The following DDC variants were observed in gnomAD, a reference collection of about 807,000 sequenced individuals.
The protein encoded by DDC is dopa decarboxylase.
Under a neutral mutation model 60.0 loss-of-function variants are expected in DDC, and 43 were observed. The ratio of observed to expected loss-of-function variants is 0.72; its 90% CI spans 0.56 to 0.92. DDC has a LOEUF of 0.92. Ranked by LOEUF, DDC falls within the 40% of genes least tolerant of loss-of-function variation. The pLI is 0.00. For synonymous variants in DDC, 232 were observed against 234.6 expected, an observed-to-expected ratio of 0.99 and a Z score of 0.10; for missense variants, 573 against 620.2, an observed-to-expected ratio of 0.92 and a Z score of 0.81.
intron 6 of DDC, among the ~76,000 whole-genome samples, chr7:50,519,953 A>AAAC (rs3071963): frequency 0.013 from 2,034 of 151,368 alleles, 46 homozygotes; most frequent in African/African-American, 0.045. Context: ...AATCAAAACC[A>AAAC]AAACAAACAA....
At chr7:50,504,082 C>G (rs1320069113) in intron 6 of DDC, 23 bp from the exon 7 acceptor site, 3 of 1,566,192 alleles carry the variant, frequency 1.9e-6, no homozygotes, top group African/African-American at 2.7e-5. Context: ...AAGCAGACAG[C>G]CTTTTATTCC....
At chr7:50,481,094 G>A (rs554832735) in intron 9 of DDC, among the ~76,000 whole-genome samples, 8 of 152,256 alleles carry the variant, frequency 5.3e-5, no homozygotes, top group Admixed American at 2.6e-4. Flanking sequence ...CAAATAAAAC[G>A]TGAGAGTCCC....
At chr7:50,495,227 G>C (rs1361890043) in intron 9 of DDC, 123 bp downstream of exon 9, 9 of 753,510 alleles carry the variant, frequency 1.2e-5, no homozygotes, top group Non-Finnish European at 2.1e-5. Flanking sequence ...CAAGGGTTCA[G>C]AAAAGGCAGC....
chr7:50,521,768 T>C (rs1326001836), intron 6 of DDC, among the ~76,000 whole-genome samples: 1 of 152,164 alleles, frequency 6.6e-6, no homozygotes, highest in Non-Finnish European at 1.5e-5. Flanking sequence ...CTCAACTTGA[T>C]GAATGACATC....
intron 7 of DDC, among the ~76,000 whole-genome samples, chr7:50,501,812 G>A (rs1017816500): frequency 6.6e-5 from 10 of 152,148 alleles, no homozygotes; most frequent in South Asian, 2.1e-4. Flanking sequence ...AGTGGGTTAC[G>A]CCTGTAATTC....
chr7:50,554,231 T>C (rs530534171), intron 1 of DDC, among the ~76,000 whole-genome samples: 3 of 152,132 alleles, frequency 2.0e-5, no homozygotes, highest in South Asian at 2.1e-4. Context: ...GCTGGGAAGA[T>C]GAATGAGATG....
intron 10 of DDC, among the ~76,000 whole-genome samples, chr7:50,478,294 C>T (rs11238138): frequency 0.56 from 84,287 of 151,808 alleles, 23,569 homozygotes; most frequent in Admixed American, 0.62. Context: ...TTTCTATTAC[C>T]GCACCATCTG....
intron 6 of DDC, among the ~76,000 whole-genome samples, chr7:50,509,677 G>T (rs923846069): frequency 6.6e-6 from 1 of 152,150 alleles, no homozygotes; most frequent in African/African-American, 2.4e-5. Flanking sequence ...ATGAATGAAT[G>T]AGTCATTTCT....
chr7:50,542,717 G>GAAC (rs2044674670), intron 2 of DDC: 1 of 152,290 alleles, frequency 6.6e-6, no homozygotes, highest in African/African-American at 2.4e-5. Flanking sequence ...GTTTTATGCT[G>GAAC]AACAGCTTAG....
intron 10 of DDC, among the ~76,000 whole-genome samples, chr7:50,478,520 TAGA>T (rs1253557630): frequency 6.6e-6 from 1 of 152,202 alleles, no homozygotes; most frequent in East Asian, 1.9e-4. Flanking sequence ...AGGCTTTCAG[TAGA>T]AGAATTCAGA....
At chr7:50,518,243 C>T (rs185377795) in intron 6 of DDC, among the ~76,000 whole-genome samples, 57 of 149,456 alleles carry the variant, frequency 3.8e-4, no homozygotes, top group African/African-American at 1.4e-3. Flanking sequence ...ATAGATGACA[C>T]AAACAAATGG....
intron 4 of DDC, among the ~76,000 whole-genome samples, chr7:50,535,046 ATGATTCATTTGC>A (rs956819799): frequency 2.6e-5 from 4 of 152,232 alleles, no homozygotes; most frequent in African/African-American, 9.6e-5. Context: ...GGACTGAAGC[ATGATTCATTTGC>A]TGAATCATTG....
At chr7:50,560,513 A>C (rs1346960204) in intron 1 of DDC, among the ~76,000 whole-genome samples, 3 of 152,046 alleles carry the variant, frequency 2.0e-5, no homozygotes. Flanking sequence ...GGATGCTGTT[A>C]ATTAGCTCCT....
chr7:50,496,569 T>C (rs984218136), intron 8 of DDC, among the ~76,000 whole-genome samples: 5 of 152,182 alleles, frequency 3.3e-5, no homozygotes, highest in African/African-American at 7.2e-5. Context: ...AGGAGGACAC[T>C]CTGCATTTTC....
chr7:50,474,522 A>G (rs972443741), intron 11 of DDC, among the ~76,000 whole-genome samples: 2 of 152,232 alleles, frequency 1.3e-5, no homozygotes, highest in Non-Finnish European at 2.9e-5. Context: ...GTGGTCCTGC[A>G]GGCGGGTGCC....
At chr7:50,472,943 C>G (rs1290630930) in intron 11 of DDC, among the ~76,000 whole-genome samples, 1 of 152,156 alleles carries the variant, frequency 6.6e-6, no homozygotes, top group African/African-American at 2.4e-5. Flanking sequence ...GTTTGGGTTT[C>G]CAGCCTCTTT....
chr7:50,458,742 A>T lies in DDC; in HGVS notation c.*120T>A, dbSNP rs1208504853. ...CAACCCTCTGGATAACTTTGGAGAA[A>T]GACATGGGAAGCCACAGACAGCTGA... On this transcript the variant is annotated 3_prime_UTR_variant, in exon 15 of 15. Transcript: ENST00000444124. The T allele has an allele frequency of 6.6e-6, 1 of 152,212 alleles. No individual in the cohort carries two copies. Among genetic ancestry groups the T allele is most frequent in the African/African-American group, 2.4e-5 (1 of 41,438 alleles). The allele number at this position is 152,212 out of a possible 1,614,324, so 9.4% of individuals were successfully genotyped here.
intron 10 of DDC, 78 bp from the exon 11 acceptor site, chr7:50,476,721 C>G (rs1253021301): frequency 5.0e-6 from 7 of 1,393,088 alleles, no homozygotes; most frequent in Middle Eastern, 1.8e-4. Flanking sequence ...TTTTCATTTT[C>G]CAGGTAAATT....
intron 1 of DDC, among the ~76,000 whole-genome samples, chr7:50,555,169 C>A (rs539605899): frequency 7.2e-5 from 11 of 152,230 alleles, no homozygotes; most frequent in African/African-American, 2.6e-4. Context: ...GCCAGTGTCA[C>A]GGGGATGGTG....
Sources: gnomAD v4.1 joint callset for allele counts (sites outside exome capture counted in the v4.1 genomes callset) on GRCh38, gnomAD v4.1.1 for gene constraint, MANE v1.5 for transcripts, NCBI Gene and HGNC (gene_info 2026-07-23, HGNC 2026-07-21) for gene names.